Variants in SLC24A3 observed in about 807,000 individuals in gnomAD.
SLC24A3 encodes sodium/potassium/calcium exchanger 3.
A neutral mutation model predicts 75.8 loss-of-function variants in SLC24A3; 28 were observed. The observed-to-expected ratio is 0.37, with a 90% CI of 0.27 to 0.51. SLC24A3 has a LOEUF of 0.51. SLC24A3 is among the 20% of genes least tolerant of loss of function. The pLI is 0.94. For missense variants in SLC24A3, 663 were observed against 847.8 expected (o/e 0.78, Z 2.71); for synonymous variants, 372 against 334.1 (o/e 1.11, Z -1.24).
intron 15 of SLC24A3, among the ~76,000 whole-genome samples, chr20:19,705,613 T>A (rs2032921717): frequency 6.6e-6 from 1 of 152,168 alleles, no homozygotes. Flanking sequence ...CCGCATGACA[T>A]CTTTCTGCAT....
intron 12 of SLC24A3, among the ~76,000 whole-genome samples, chr20:19,689,382 C>T (rs2032719367): frequency 6.6e-6 from 1 of 152,142 alleles, no homozygotes; most frequent in African/African-American, 2.4e-5. Context: ...AAGCCAAGTC[C>T]AACTCAAAGG....
chr20:19,486,580 A>G (rs1275017166), intron 2 of SLC24A3, among the ~76,000 whole-genome samples: 1 of 152,214 alleles, frequency 6.6e-6, no homozygotes, highest in Non-Finnish European at 1.5e-5. Context: ...CACAAGCTCA[A>G]CTTCAGGGAC....
chr20:19,654,247 A>G (rs2032239943), intron 7 of SLC24A3, 111 bp downstream of exon 7: 1 of 913,550 alleles, frequency 1.1e-6, no homozygotes, highest in East Asian at 2.4e-5. Flanking sequence ...CGAGTGCGAG[A>G]TGCATGTCTT....
chr20:19,708,147 A>G (rs1186351124), intron 15 of SLC24A3, among the ~76,000 whole-genome samples: 1 of 152,164 alleles, frequency 6.6e-6, no homozygotes, highest in Non-Finnish European at 1.5e-5. Flanking sequence ...CAAGTATATC[A>G]GACCTTGTCC....
chr20:19,671,830 T>C lies in SLC24A3; in HGVS notation c.714-1771T>C, dbSNP rs111585612. Among the ~76,000 whole-genome samples the C allele has an allele frequency of 5.9e-3, 901 of 152,040 alleles. 2 individuals carry two copies. Among genetic ancestry groups the C allele is most frequent in the Middle Eastern group, 0.027 (8 of 294 alleles). On this transcript the variant is annotated intron_variant, in intron 8 of 16. Transcript: ENST00000328041. The stretch of plus-strand genomic sequence containing the variant: ...ATCATGTATTTGGTATTTATAGCAA[T>C]AGGTCAGGATGAGGTCACCTAGGGA...
chr20:19,387,117 C>G (rs2122382328), intron 2 of SLC24A3, among the ~76,000 whole-genome samples: 1 of 152,162 alleles, frequency 6.6e-6, no homozygotes, highest in East Asian at 1.9e-4. Flanking sequence ...TCTAGGTTAT[C>G]CAATTTGTTG....
In SLC24A3 at chr20:19,212,922, T is replaced by A. The variant is rs377191891; in HGVS notation, c.80T>A (p.Leu27His). ...CGGAGGGACCTTCTGCTGAGCCAGC[T>A]CTGCTTCCTGGCCTCGGTGGCGCTG... ...RRRRDLLLSQ[L>H]CFLASVALLL... Residue 27 changes from leucine to histidine, a missense_variant, in exon 1 of 17, where the codon CTC (leucine) becomes CAC (histidine). Leu to His is a moderately conservative substitution (Grantham distance 99). Coordinates refer to ENST00000328041, the MANE Select transcript of SLC24A3 (RefSeq NM_020689.4). 5.2e-6 allele frequency: 7 copies of A among 1,353,496 alleles called. No homozygotes were observed. Among genetic ancestry groups the A allele is most frequent in the Non-Finnish European group, 6.7e-6 (7 of 1,049,010 alleles). The allele number at this position is 1,353,496 out of a possible 1,614,324, so 83.8% of individuals were successfully genotyped here. A position where few individuals can be genotyped will look rare whatever the true frequency, so the allele number is the denominator to read the frequency against.
intron 15 of SLC24A3, among the ~76,000 whole-genome samples, chr20:19,707,801 T>G (rs1323765825): frequency 6.6e-6 from 1 of 152,210 alleles, no homozygotes; most frequent in Non-Finnish European, 1.5e-5. Context: ...TAAGATGACA[T>G]ACCAAATGTT....
intron 2 of SLC24A3, among the ~76,000 whole-genome samples, chr20:19,397,632 CTTTT>C (rs73617286): frequency 7.6e-6 from 1 of 130,822 alleles, no homozygotes; most frequent in Non-Finnish European, 1.6e-5. Context: ...AAAGGTTGTG[CTTTT>C]TTTTTCTTTT....
At chr20:19,296,703 C>A (rs1568582076) in intron 2 of SLC24A3, among the ~76,000 whole-genome samples, 1 of 152,164 alleles carries the variant, frequency 6.6e-6, no homozygotes, top group Non-Finnish European at 1.5e-5. Flanking sequence ...AGAAAATTAA[C>A]AAGGATATTC....
At chr20:19,428,131 T>C (rs1034844828) in intron 2 of SLC24A3, among the ~76,000 whole-genome samples, 1 of 152,218 alleles carries the variant, frequency 6.6e-6, no homozygotes, top group Non-Finnish European at 1.5e-5. Flanking sequence ...TGCACATTCC[T>C]CAGCCGTCTC....
chr20:19,218,851 A>T (rs904109829), intron 1 of SLC24A3, among the ~76,000 whole-genome samples: 1 of 152,168 alleles, frequency 6.6e-6, no homozygotes, highest in Admixed American at 6.5e-5. Flanking sequence ...TCCTTGAGTG[A>T]AAGAACTTTT....
intron 3 of SLC24A3, among the ~76,000 whole-genome samples, chr20:19,551,031 C>A (rs2122598877): frequency 6.6e-6 from 1 of 152,306 alleles, no homozygotes; most frequent in East Asian, 1.9e-4. Context: ...GAATAGAAAC[C>A]CAACAAATAG....
chr20:19,557,358 G>T (rs1410024172), intron 3 of SLC24A3, among the ~76,000 whole-genome samples: 3 of 152,062 alleles, frequency 2.0e-5, no homozygotes, highest in Non-Finnish European at 2.9e-5. Flanking sequence ...ACATCACAGG[G>T]GTAGCCTCCA....
In SLC24A3 at chr20:19,595,923, G is replaced by T. The variant is rs73605526; in HGVS notation, c.612+10379G>T. ...TCTAGGAGAAGAAACTTCCAGGTGG[G>T]AAGAAGAGTAAATGTTCATACAGAA... On this transcript the variant is annotated intron_variant, in intron 6 of 16. Coordinates refer to ENST00000328041, the MANE Select transcript of SLC24A3 (RefSeq NM_020689.4). Among the ~76,000 whole-genome samples the T allele has an allele frequency of 6.6e-3, 1,001 of 152,250 alleles. 42 individuals carry two copies. In the East Asian group the frequency reaches 0.1, roughly 16 times the overall value.
rs2030029053 is a variant in SLC24A3, at chr20:19,517,984, C to T, written c.348+2420C>T. Among the ~76,000 whole-genome samples, 5 of 152,210 alleles carry T rather than the reference C, an allele frequency of 3.3e-5. No homozygotes were observed. In the South Asian group the frequency reaches 1.0e-3, roughly 32 times the overall value. Reference sequence around the variant, plus strand: ...GCCCCTACCACCAGAATGTAAGCCCCAATAAAGAAGCCCCTTCGTACTGTG... The same window carrying T: ...GCCCCTACCACCAGAATGTAAGCCCTAATAAAGAAGCCCCTTCGTACTGTG... On this transcript the variant is annotated intron_variant, in intron 3 of 16. Transcript: ENST00000328041.
At chr20:19,592,119 T>A (rs571197854) in intron 6 of SLC24A3, among the ~76,000 whole-genome samples, 21 of 152,336 alleles carry the variant, frequency 1.4e-4, no homozygotes, top group African/African-American at 5.1e-4. Context: ...CTTAGTATTA[T>A]CAGTACTATT....
chr20:19,221,104 C>T (rs1356272184), intron 1 of SLC24A3, among the ~76,000 whole-genome samples: 1 of 152,184 alleles, frequency 6.6e-6, no homozygotes, highest in Non-Finnish European at 1.5e-5. Flanking sequence ...GTTGCCTAGG[C>T]TGGAGTGTAG....
At chr20:19,700,182 A>G (rs2032854498) in intron 15 of SLC24A3, among the ~76,000 whole-genome samples, 1 of 152,170 alleles carries the variant, frequency 6.6e-6, no homozygotes, top group Non-Finnish European at 1.5e-5. Context: ...TATTACCAAA[A>G]ACCCCAAAAT....
Sources: gnomAD v4.1 joint callset for allele counts (sites outside exome capture counted in the v4.1 genomes callset) on GRCh38, gnomAD v4.1.1 for gene constraint, MANE v1.5 for transcripts, NCBI Gene and HGNC (gene_info 2026-07-23, HGNC 2026-07-21) for gene names.